Variants in CPNE4 observed in about 807,000 individuals in gnomAD.
The protein encoded by CPNE4 is copine-4.
Under a neutral mutation model 67.9 loss-of-function variants are expected in CPNE4, and 25 were observed. That is an observed-to-expected ratio of 0.37 (90% CI 0.27 to 0.51). CPNE4 has a LOEUF of 0.51. Ranked by LOEUF, CPNE4 falls within the 20% of genes least tolerant of loss-of-function variation. The pLI, the probability that CPNE4 is intolerant of heterozygous loss-of-function variation, is 0.93. For synonymous variants in CPNE4, 242 were observed against 244.9 expected, an observed-to-expected ratio of 0.99 and a Z score of 0.11; for missense variants, 464 against 690.8, an observed-to-expected ratio of 0.67 and a Z score of 3.68.
At chr3:131,830,000 C>T (rs982798376) in intron 2 of CPNE4, among the ~76,000 whole-genome samples, 12 of 152,136 alleles carry the variant, frequency 7.9e-5, no homozygotes, top group Admixed American at 6.5e-4. Context: ...GGTCATAATT[C>T]GGATCTACCT....
At chr3:132,006,524 T>C (rs2107671509) in intron 1 of CPNE4, among the ~76,000 whole-genome samples, 1 of 152,228 alleles carries the variant, frequency 6.6e-6, no homozygotes, top group South Asian at 2.1e-4. Context: ...AAGCAAGATG[T>C]TTCCAAATCA....
At chr3:131,955,349 T>C (rs1418375251) in intron 1 of CPNE4, among the ~76,000 whole-genome samples, 1 of 150,270 alleles carries the variant, frequency 6.7e-6, no homozygotes, top group Non-Finnish European at 1.5e-5. Flanking sequence ...TTATTTATTT[T>C]TTCTCACAAA....
At chr3:131,784,714 C>G (rs1427156386) in intron 2 of CPNE4, among the ~76,000 whole-genome samples, 1 of 152,132 alleles carries the variant, frequency 6.6e-6, no homozygotes, top group Non-Finnish European at 1.5e-5. Context: ...TCTTCCCTGT[C>G]TCACTTTCCC....
intron 1 of CPNE4, among the ~76,000 whole-genome samples, chr3:131,955,125 C>A (rs1235047427): frequency 6.7e-6 from 1 of 150,112 alleles, no homozygotes; most frequent in Non-Finnish European, 1.5e-5. Flanking sequence ...TTTTGTTTTA[C>A]TTTTAGTGGG....
At chr3:131,892,868 C>T (rs1258089420) in intron 2 of CPNE4, among the ~76,000 whole-genome samples, 1 of 151,386 alleles carries the variant, frequency 6.6e-6, no homozygotes, top group African/African-American at 2.4e-5. Flanking sequence ...TAGCTTAGCA[C>T]CACAGAAAAC....
chr3:131,937,526 A>G (rs2071259045), intron 1 of CPNE4, among the ~76,000 whole-genome samples: 1 of 152,174 alleles, frequency 6.6e-6, no homozygotes, highest in African/African-American at 2.4e-5. Context: ...ACTAGAGGAC[A>G]ATTATGAGAT....
At chr3:131,680,498 G>T (rs911143891) in intron 6 of CPNE4, among the ~76,000 whole-genome samples, 15 of 151,460 alleles carry the variant, frequency 9.9e-5, no homozygotes, top group Non-Finnish European at 1.6e-4. Context: ...TTAACTTTTT[G>T]TTTCTGTTTA....
Position 131,564,976 on chromosome 3 carries a change from G to A in CPNE4, c.928-627C>T, listed in dbSNP as rs145497974. Reference sequence around the variant, plus strand: ...CTGAATGTTATCGCATTGTGAGTGGGAAGTGGAGAAGGGAAACCTGTCTTG... The same window carrying A: ...CTGAATGTTATCGCATTGTGAGTGGAAAGTGGAGAAGGGAAACCTGTCTTG... On this transcript the variant is annotated intron_variant, in intron 10 of 15. Transcript: ENST00000429747. Among the ~76,000 whole-genome samples the A allele has an allele frequency of 9.7e-4, 148 of 152,146 alleles. 1 individual carries two copies. The highest frequency in any genetic ancestry group is 3.4e-3 in the African/African-American group (142 of 41,542).
chr3:131,841,098 AG>A (rs1449285717), intron 2 of CPNE4, among the ~76,000 whole-genome samples: 3 of 152,204 alleles, frequency 2.0e-5, no homozygotes, highest in Admixed American at 2.0e-4. Context: ...AAGCCACTTC[AG>A]GAAGAGAGGA....
chr3:131,897,238 C>T (rs557686292), intron 2 of CPNE4, among the ~76,000 whole-genome samples: 1 of 152,056 alleles, frequency 6.6e-6, no homozygotes, highest in Non-Finnish European at 1.5e-5. Flanking sequence ...GATCTGAGTT[C>T]AAATCCTAAT....
intron 14 of CPNE4, among the ~76,000 whole-genome samples, chr3:131,544,169 G>A (rs1463207202): frequency 1.3e-5 from 2 of 152,188 alleles, no homozygotes; most frequent in African/African-American, 4.8e-5. Context: ...ATATAATCCT[G>A]CAAGATGCCT....
At chr3:131,601,416 G>T (rs1939201259) in intron 7 of CPNE4, among the ~76,000 whole-genome samples, 1 of 152,226 alleles carries the variant, frequency 6.6e-6, no homozygotes, top group Middle Eastern at 3.4e-3. Flanking sequence ...ATAAATAATA[G>T]TGATGCAGTG....
At chr3:131,977,744 T>A (rs570355124) in intron 1 of CPNE4, among the ~76,000 whole-genome samples, 1 of 152,068 alleles carries the variant, frequency 6.6e-6, no homozygotes, top group African/African-American at 2.4e-5. Context: ...CATGAGTAAG[T>A]TCTTTAGTGA....
At chr3:131,923,400 T>C (rs1289828657) in intron 1 of CPNE4, among the ~76,000 whole-genome samples, 1 of 152,120 alleles carries the variant, frequency 6.6e-6, no homozygotes, top group Admixed American at 6.6e-5. Flanking sequence ...AGGCAGGGGA[T>C]GTGCAGAAAA....
At chr3:131,754,605 A>G (rs572383985) in intron 2 of CPNE4, among the ~76,000 whole-genome samples, 25 of 152,332 alleles carry the variant, frequency 1.6e-4, no homozygotes, top group African/African-American at 6.0e-4. Context: ...GTATGTGGAT[A>G]AGTTGAATTA....
chr3:131,669,271 A>G (rs1318745429), intron 7 of CPNE4, among the ~76,000 whole-genome samples: 1 of 152,166 alleles, frequency 6.6e-6, no homozygotes, highest in Non-Finnish European at 1.5e-5. Flanking sequence ...GTTCATCCCA[A>G]CTTGTCAGTA....
chr3:131,628,376 G>A (rs929715670), intron 7 of CPNE4, among the ~76,000 whole-genome samples: 1 of 152,208 alleles, frequency 6.6e-6, no homozygotes, highest in Non-Finnish European at 1.5e-5. Context: ...AAGAAAATGA[G>A]AGGGAAGCAA....
intron 10 of CPNE4, among the ~76,000 whole-genome samples, chr3:131,567,386 G>A (rs1559910536): frequency 6.6e-6 from 1 of 151,918 alleles, no homozygotes; most frequent in Admixed American, 6.6e-5. Context: ...TACATAGATT[G>A]TGGCAACAAT....
intron 7 of CPNE4, among the ~76,000 whole-genome samples, chr3:131,632,855 T>A (rs533197022): frequency 6.6e-6 from 1 of 152,126 alleles, no homozygotes; most frequent in Non-Finnish European, 1.5e-5. Flanking sequence ...CATTACAAGG[T>A]GTTTAGAAGC....
Sources: gnomAD v4.1 joint callset for allele counts (sites outside exome capture counted in the v4.1 genomes callset) on GRCh38, gnomAD v4.1.1 for gene constraint, MANE v1.5 for transcripts, NCBI Gene and HGNC (gene_info 2026-07-23, HGNC 2026-07-21) for gene names.